The following TAF1B variants were observed in gnomAD, a reference collection of about 807,000 sequenced individuals.
TAF1B encodes the protein TATA box-binding protein-associated factor RNA polymerase I subunit B.
TAF1B carries 61 observed loss-of-function variants against 83.9 expected under a neutral mutation model. The observed-to-expected ratio is 0.73, with a 90% CI of 0.59 to 0.90. The LOEUF is 0.90. Ranked by LOEUF, TAF1B falls within the 40% of genes least tolerant of loss-of-function variation. The pLI is 0.00. For missense variants in TAF1B, 625 were observed against 677.0 expected (o/e 0.92, Z 0.85); for synonymous variants, 221 against 224.6 (o/e 0.98, Z 0.14).
At chr2:9,880,630 G>A (rs1664475869) in intron 7 of TAF1B, among the ~76,000 whole-genome samples, 1 of 152,010 alleles carries the variant, frequency 6.6e-6, no homozygotes, top group Non-Finnish European at 1.5e-5. Flanking sequence ...TGTGCTGCTT[G>A]AGACAGTGTC....
intron 6 of TAF1B, among the ~76,000 whole-genome samples, chr2:9,870,565 CTT>C (rs1182244539): frequency 6.6e-6 from 1 of 152,148 alleles, no homozygotes; most frequent in Non-Finnish European, 1.5e-5. Flanking sequence ...TCTTTTGTGA[CTT>C]TCATATTTCC....
intron 5 of TAF1B, among the ~76,000 whole-genome samples, chr2:9,862,332 A>G (rs1296338723): frequency 1.3e-5 from 2 of 152,224 alleles, no homozygotes; most frequent in African/African-American, 4.8e-5. Flanking sequence ...ATCAACTGGA[A>G]GAAAGTGTAT....
chr2:9,933,674 G>A (rs1486100119), intron 14 of TAF1B, 109 bp from the exon 15 acceptor site: 5 of 902,028 alleles, frequency 5.5e-6, no homozygotes, highest in Non-Finnish European at 8.4e-6. Context: ...CCTGTTTTAA[G>A]CCTAACCATA....
intron 6 of TAF1B, among the ~76,000 whole-genome samples, chr2:9,872,218 C>T (rs915802166): frequency 6.6e-6 from 1 of 151,868 alleles, no homozygotes; most frequent in East Asian, 1.9e-4. Flanking sequence ...CCCAGCTACT[C>T]AGGAGGCTGA....
intron 8 of TAF1B, among the ~76,000 whole-genome samples, chr2:9,902,834 AT>A (rs1055265115): frequency 1.4e-4 from 21 of 152,184 alleles, no homozygotes; most frequent in African/African-American, 5.1e-4. Context: ...GATTTTCAAA[AT>A]TTTTGTATTA....
At chr2:9,908,349 G>C (rs958574006) in intron 9 of TAF1B, among the ~76,000 whole-genome samples, 2 of 151,838 alleles carry the variant, frequency 1.3e-5, no homozygotes, top group Admixed American at 6.6e-5. Flanking sequence ...GCCTGGCCAA[G>C]ATATTAATTT....
intron 7 of TAF1B, among the ~76,000 whole-genome samples, chr2:9,880,300 C>T (rs1664459708): frequency 6.6e-6 from 1 of 151,786 alleles, no homozygotes; most frequent in African/African-American, 2.4e-5. Context: ...CTCTGTTGGT[C>T]AGGAGAGGCA....
chr2:9,909,383 T>C (rs1362121141), intron 9 of TAF1B, among the ~76,000 whole-genome samples: 4 of 152,250 alleles, frequency 2.6e-5, no homozygotes, highest in Non-Finnish European at 5.9e-5. Context: ...GTCACTGGTA[T>C]AACCAAGTTC....
At position 9,910,818 on chromosome 2, in the gene TAF1B, T is replaced by C. The variant is rs1054561; in HGVS notation, c.1038T>C (p.Ala346=). 0.63 allele frequency: 1,008,670 copies of C among 1,608,722 alleles called. 327,199 individuals are homozygous for C. Among genetic ancestry groups the C allele is most frequent in the Non-Finnish European group, 0.68 (795,967 of 1,177,790 alleles). ...ATTTTCTGACATTTGATCCTATAGC[T>C]AAAATGGCAAAAACTGTTAAGTACG... The part of the protein sequence containing the change: ...EVDFLTFDPI[A]KMAKTVKYDV... Residue 346 remains alanine (A), a synonymous_variant, in exon 10 of 15, where the codon GCT becomes GCC. Coordinates refer to ENST00000263663, the MANE Select transcript of TAF1B (RefSeq NM_005680.3).
Position 9,843,590 on chromosome 2 carries a change from A to G in TAF1B, c.18+31A>G, listed in dbSNP as rs746663630. 5.4e-6 allele frequency: 8 copies of G among 1,483,624 alleles called. No homozygotes were observed. In the African/African-American group the frequency reaches 1.2e-4, roughly 22 times the overall value. 91.9% of individuals were successfully genotyped at this position (1,483,624 alleles called of 1,614,324 possible). A position where few individuals can be genotyped will look rare whatever the true frequency, so the allele number is the denominator to read the frequency against. On this transcript the variant is annotated intron_variant, in intron 1 of 14. Transcript: ENST00000263663. ...GAGGCGGTGCACCTGGCGGGCCACGATCGCCGGGGCCGGAGGAGAGAGAAG... is the reference window on the plus strand; with the variant it reads ...GAGGCGGTGCACCTGGCGGGCCACGGTCGCCGGGGCCGGAGGAGAGAGAAG...
intron 8 of TAF1B, among the ~76,000 whole-genome samples, chr2:9,903,109 G>A (rs894353872): frequency 3.3e-5 from 5 of 151,916 alleles, no homozygotes; most frequent in African/African-American, 9.7e-5. Flanking sequence ...TATTTGAGAC[G>A]GAGTCTGGCT....
chr2:9,852,533 C>A (rs1200814171), intron 4 of TAF1B, among the ~76,000 whole-genome samples: 1 of 151,976 alleles, frequency 6.6e-6, no homozygotes, highest in African/African-American at 2.4e-5. Context: ...GCTCTGTTGC[C>A]CAGGCTGGAG....
At chr2:9,854,075 A>G (rs1663482950) in intron 4 of TAF1B, among the ~76,000 whole-genome samples, 1 of 152,188 alleles carries the variant, frequency 6.6e-6, no homozygotes, top group South Asian at 2.1e-4. Context: ...TCTGATGCAC[A>G]CTTAAGCCTG....
intron 8 of TAF1B, among the ~76,000 whole-genome samples, chr2:9,883,674 C>A (rs1664578134): frequency 6.6e-6 from 1 of 152,160 alleles, no homozygotes; most frequent in African/African-American, 2.4e-5. Flanking sequence ...AATCCATTGA[C>A]AAACACAGAG....
At chr2:9,863,280 AG>A (rs1367473656) in intron 5 of TAF1B, among the ~76,000 whole-genome samples, 5 of 152,242 alleles carry the variant, frequency 3.3e-5, no homozygotes, top group Admixed American at 3.3e-4. Flanking sequence ...AAGCAAAAAA[AG>A]GCAGGGGTTG....
chr2:9,849,780 A>AT (rs1663327384), intron 3 of TAF1B, among the ~76,000 whole-genome samples: 1 of 152,164 alleles, frequency 6.6e-6, no homozygotes, highest in Admixed American at 6.5e-5. Flanking sequence ...TGGGAAAATT[A>AT]TTTTCCCTTA....
At chr2:9,878,477 T>C (rs1664391514) in intron 7 of TAF1B, among the ~76,000 whole-genome samples, 1 of 152,190 alleles carries the variant, frequency 6.6e-6, no homozygotes, top group Non-Finnish European at 1.5e-5. Flanking sequence ...GAGTATGTTA[T>C]TAGCCTGGCC....
intron 8 of TAF1B, among the ~76,000 whole-genome samples, chr2:9,883,391 C>A (rs747359407): frequency 1.3e-5 from 2 of 152,172 alleles, no homozygotes; most frequent in African/African-American, 2.4e-5. Flanking sequence ...TTCCTCCATT[C>A]ACCTACTTAA....
chr2:9,862,544 C>G (rs1558236538), intron 5 of TAF1B, among the ~76,000 whole-genome samples: 2 of 152,180 alleles, frequency 1.3e-5, no homozygotes, highest in African/African-American at 4.8e-5. Context: ...AGGAGAACTT[C>G]CCCAATCTAG....
Sources: allele counts gnomAD v4.1 joint callset (sites outside exome capture counted in the v4.1 genomes callset), GRCh38; gene constraint gnomAD v4.1.1; transcripts MANE v1.5; gene names NCBI Gene and HGNC (gene_info 2026-07-23, HGNC 2026-07-21).